The following CYP2C19 variants were observed in gnomAD, a reference collection of about 807,000 sequenced individuals.
CYP2C19 encodes the protein cytochrome P450 family 2 subfamily C member 19, also known as cytochrome P450 2C19.
Under a neutral mutation model 40.9 loss-of-function variants are expected in CYP2C19, and 59 were observed. That is an observed-to-expected ratio of 1.44 (90% confidence interval 1.17 to 1.79). The LOEUF is 1.79. Ranked by LOEUF, CYP2C19 falls within the 40% of genes most tolerant of loss-of-function variation. The pLI, the probability that CYP2C19 is intolerant of heterozygous loss-of-function variation, is 0.00. For synonymous variants in CYP2C19, 253 were observed against 208.7 expected, an observed-to-expected ratio of 1.21 and a Z score of -1.83; for missense variants, 754 against 596.9, an observed-to-expected ratio of 1.26 and a Z score of -2.74.
chr10:94,827,388 T>C (rs1849245545), intron 6 of CYP2C19, among the ~76,000 whole-genome samples: 1 of 151,944 alleles, frequency 6.6e-6, no homozygotes, highest in Non-Finnish European at 1.5e-5. Context: ...GGTTTAGTCT[T>C]GGGAGAGTGT....
chr10:94,798,654 T>G (rs1848721879), intron 5 of CYP2C19, among the ~76,000 whole-genome samples: 1 of 152,064 alleles, frequency 6.6e-6, no homozygotes, highest in African/African-American at 2.4e-5. Flanking sequence ...AAGGACCTGC[T>G]TTATGAATCT....
At chr10:94,796,519 C>T (rs1382047496) in intron 5 of CYP2C19, among the ~76,000 whole-genome samples, 2 of 151,980 alleles carry the variant, frequency 1.3e-5, no homozygotes, top group African/African-American at 2.4e-5. Flanking sequence ...TAGCTTTTTC[C>T]AATTCTGTGA....
intron 7 of CYP2C19, among the ~76,000 whole-genome samples, chr10:94,849,633 C>A (rs150891082): frequency 1.0e-5 from 1 of 100,462 alleles, no homozygotes; most frequent in Non-Finnish European, 1.9e-5. Flanking sequence ...CCTCCCCCCT[C>A]CCCCCACCCC....
Position 94,781,853 on chromosome 10 carries a change from T to C in CYP2C19, c.675T>C (p.Tyr225=), listed in dbSNP as rs1351544531. ...ICNNFPTIID[Y]FPGTHNKLLK... ...ATAATTTTCCCACTATCATTGATTA[T>C]TTCCCGGGAACCCATAACAAATTAC... is the stretch of plus-strand genomic sequence containing the variant. The change falls in exon 5 of 9, where the codon TAT becomes TAC. Residue 225 remains tyrosine, a synonymous_variant. Coordinates refer to ENST00000371321, the MANE Select transcript of CYP2C19 (RefSeq NM_000769.4). 6.8e-7 allele frequency: 1 copy of C among 1,472,410 alleles called. No homozygotes were observed. Among genetic ancestry groups the C allele is most frequent in the African/African-American group, 1.5e-5 (1 of 67,448 alleles). 91.2% of individuals were successfully genotyped at this position (1,472,410 alleles called of 1,614,324 possible).
chr10:94,808,222 A>G (rs923689785), intron 5 of CYP2C19, among the ~76,000 whole-genome samples: 4 of 152,064 alleles, frequency 2.6e-5, no homozygotes, highest in African/African-American at 9.7e-5. Flanking sequence ...CCATGGGTCC[A>G]TGTGTCTGCT....
At chr10:94,805,015 A>T (rs1169190464) in intron 5 of CYP2C19, among the ~76,000 whole-genome samples, 2 of 151,882 alleles carry the variant, frequency 1.3e-5, no homozygotes, top group East Asian at 3.9e-4. Context: ...CATGATCTGA[A>T]TTTTTCCTTT....
At chr10:94,841,794 G>A (rs1290916318) in intron 6 of CYP2C19, among the ~76,000 whole-genome samples, 2 of 152,118 alleles carry the variant, frequency 1.3e-5, no homozygotes, top group Non-Finnish European at 2.9e-5. Flanking sequence ...ATTTACTTGT[G>A]TAGTTTCCAA....
chr10:94,820,149 A>G (rs984338809), intron 5 of CYP2C19, among the ~76,000 whole-genome samples: 1 of 152,010 alleles, frequency 6.6e-6, no homozygotes, highest in Admixed American at 6.6e-5. Context: ...CCACATCATT[A>G]TCTCAATAGA....
At position 94,781,999 on chromosome 10, in the gene CYP2C19, T is replaced by G; in HGVS notation, c.819+2T>G. ...TGCTTCCTGATCAAAATGGAGAAGG[T>G]AAAATGTTAACAAAAGCTTAGTTAT... On this transcript the variant is annotated splice_donor_variant, in intron 5 of 8. Coordinates refer to ENST00000371321, the MANE Select transcript of CYP2C19 (RefSeq NM_000769.4). LOFTEE classifies it high-confidence loss of function. The G allele has an allele frequency of 6.5e-7, 1 of 1,535,118 alleles. No homozygotes were observed. Among genetic ancestry groups the G allele is most frequent in the Non-Finnish European group, 8.7e-7 (1 of 1,149,776 alleles).
chr10:94,802,310 C>T (rs892285816), intron 5 of CYP2C19, among the ~76,000 whole-genome samples: 2 of 152,156 alleles, frequency 1.3e-5, no homozygotes, highest in African/African-American at 2.4e-5. Context: ...GTCCAGCTGG[C>T]TTCACCTCTC....
At chr10:94,766,506 G>A (rs1848246062) in intron 1 of CYP2C19, among the ~76,000 whole-genome samples, 1 of 152,084 alleles carries the variant, frequency 6.6e-6, no homozygotes, top group African/African-American at 2.4e-5. Flanking sequence ...TAGTCCTATT[G>A]CAAAGAGTAT....
At chr10:94,826,870 G>A (rs537569942) in intron 6 of CYP2C19, among the ~76,000 whole-genome samples, 5 of 149,732 alleles carry the variant, frequency 3.3e-5, no homozygotes, top group African/African-American at 4.9e-5. Context: ...TAGCATGAAG[G>A]GCTGTTGAAT....
At chr10:94,822,526 A>T (rs1447421552) in intron 6 of CYP2C19, among the ~76,000 whole-genome samples, 1 of 152,162 alleles carries the variant, frequency 6.6e-6, no homozygotes, top group Non-Finnish European at 1.5e-5. Flanking sequence ...ATAGCACTAC[A>T]GTGAACATAT....
chr10:94,833,956 G>A (rs1344737147), intron 6 of CYP2C19, among the ~76,000 whole-genome samples: 1 of 152,120 alleles, frequency 6.6e-6, no homozygotes, highest in Non-Finnish European at 1.5e-5. Flanking sequence ...TTGGCCTGTA[G>A]TTTTCTTTTT....
chr10:94,799,144 T>G (rs1173512158), intron 5 of CYP2C19, among the ~76,000 whole-genome samples: 2 of 152,114 alleles, frequency 1.3e-5, no homozygotes, highest in East Asian at 3.9e-4. Context: ...CTCGTATGGT[T>G]TGTTCCTTTC....
chr10:94,817,881 C>T (rs752848034), intron 5 of CYP2C19, among the ~76,000 whole-genome samples: 4,909 of 151,422 alleles, frequency 0.032, 105 homozygotes, highest in Middle Eastern at 0.13. Flanking sequence ...GGCGTAGTGG[C>T]GGGCACCTGT....
intron 6 of CYP2C19, among the ~76,000 whole-genome samples, chr10:94,830,897 A>C (rs1287410770): frequency 6.6e-6 from 1 of 152,076 alleles, no homozygotes; most frequent in African/African-American, 2.4e-5. Flanking sequence ...GCATTTATTG[A>C]GTTACAAACA....
intron 5 of CYP2C19, among the ~76,000 whole-genome samples, chr10:94,785,714 A>T (rs945903578): frequency 2.0e-5 from 3 of 152,154 alleles, no homozygotes; most frequent in Non-Finnish European, 4.4e-5. Flanking sequence ...GGCAAAGAGC[A>T]TCGCGTAAAA....
intron 5 of CYP2C19, among the ~76,000 whole-genome samples, chr10:94,785,803 A>C (rs1848532475): frequency 6.6e-6 from 1 of 152,126 alleles, no homozygotes; most frequent in South Asian, 2.1e-4. Flanking sequence ...GTGACTAGGC[A>C]TGTTCAAAAT....
Sources: allele counts gnomAD v4.1 joint callset (sites outside exome capture counted in the v4.1 genomes callset), GRCh38; gene constraint gnomAD v4.1.1; transcripts MANE v1.5; gene names NCBI Gene and HGNC (gene_info 2026-07-23, HGNC 2026-07-21).